The following BNC2 variants were observed in gnomAD, a reference collection of about 807,000 sequenced individuals.
BNC2 encodes the protein basonuclin zinc finger protein 2.
In BNC2, 20 loss-of-function variants were observed where a neutral mutation model predicts 76.3. The ratio of observed to expected loss-of-function variants is 0.26; its 90% confidence interval spans 0.18 to 0.38. The LOEUF (loss-of-function observed/expected upper bound fraction) is 0.38, where lower values mean the gene tolerates loss of function less well. BNC2 is among the 10% of genes least tolerant of loss of function. The probability of loss-of-function intolerance (pLI) is 1.00; values close to 1 mark genes in which losing one functional copy is unlikely to be tolerated. For missense variants in BNC2, 1,382 were observed against 1,399.8 expected, an observed-to-expected ratio of 0.99 and a Z score of 0.20; for synonymous variants, 582 against 514.8, an observed-to-expected ratio of 1.13 and a Z score of -1.77.
At chr9:16,717,030 C>T (rs934141575) in intron 3 of BNC2, among the ~76,000 whole-genome samples, 1 of 152,170 alleles carries the variant, frequency 6.6e-6, no homozygotes, top group African/African-American at 2.4e-5. Context: ...AACATGAACT[C>T]CATAAAGGCA....
At chr9:16,707,132 G>A (rs1823699729) in intron 3 of BNC2, among the ~76,000 whole-genome samples, 1 of 152,052 alleles carries the variant, frequency 6.6e-6, no homozygotes, top group Admixed American at 6.5e-5. Context: ...AATCCGGGAG[G>A]CGGAGCTTGC....
intron 5 of BNC2, among the ~76,000 whole-genome samples, chr9:16,527,138 G>C (rs1028493000): frequency 6.6e-6 from 1 of 152,176 alleles, no homozygotes; most frequent in Non-Finnish European, 1.5e-5. Flanking sequence ...GACAAGGACT[G>C]GGGGGCAGTT....
chr9:16,736,601 C>T (rs958407194), intron 2 of BNC2, among the ~76,000 whole-genome samples: 3 of 150,874 alleles, frequency 2.0e-5, no homozygotes, highest in African/African-American at 7.3e-5. Context: ...TCAGCCTCCT[C>T]AGTAGCTGAG....
At chr9:16,840,381 T>C (rs1357299308) in intron 1 of BNC2, among the ~76,000 whole-genome samples, 3 of 152,196 alleles carry the variant, frequency 2.0e-5, no homozygotes, top group African/African-American at 7.2e-5. Context: ...CCATTTCATA[T>C]CCACGCAGTT....
intron 3 of BNC2, among the ~76,000 whole-genome samples, chr9:16,665,411 A>AGAG (rs1212363590): frequency 1.3e-4 from 15 of 115,478 alleles, no homozygotes; most frequent in African/African-American, 4.3e-4. Flanking sequence ...AGAAAGAGAG[A>AGAG]AAAGAAAGGA....
chr9:16,520,316 G>T (rs1365119359), intron 5 of BNC2, among the ~76,000 whole-genome samples: 1 of 152,190 alleles, frequency 6.6e-6, no homozygotes, highest in Non-Finnish European at 1.5e-5. Flanking sequence ...TTATGTGAGT[G>T]ATTTTGAGGG....
chr9:16,615,832 A>G (rs1277198339), intron 3 of BNC2, among the ~76,000 whole-genome samples: 1 of 152,218 alleles, frequency 6.6e-6, no homozygotes, highest in East Asian at 1.9e-4. Context: ...CTTCACATGC[A>G]TGAATTAATT....
chr9:16,668,827 T>A (rs1822383183), intron 3 of BNC2, among the ~76,000 whole-genome samples: 1 of 152,134 alleles, frequency 6.6e-6, no homozygotes, highest in Non-Finnish European at 1.5e-5. Flanking sequence ...ACAAATACGG[T>A]TTTAATAGAT....
intron 3 of BNC2, among the ~76,000 whole-genome samples, chr9:16,591,564 A>C (rs1819929395): frequency 6.6e-6 from 1 of 152,204 alleles, no homozygotes; most frequent in Admixed American, 6.5e-5. Flanking sequence ...ACATAAATCT[A>C]AGTCTGAATG....
intron 5 of BNC2, among the ~76,000 whole-genome samples, chr9:16,538,768 AATTAAT>A (rs1818205646): frequency 6.6e-6 from 1 of 152,204 alleles, no homozygotes; most frequent in Non-Finnish European, 1.5e-5. Flanking sequence ...GCAGAGTTTG[AATTAAT>A]ATTATTAAAA....
At chr9:16,631,993 G>A (rs1487022175) in intron 3 of BNC2, among the ~76,000 whole-genome samples, 1 of 152,144 alleles carries the variant, frequency 6.6e-6, no homozygotes, top group Non-Finnish European at 1.5e-5. Flanking sequence ...TGTTGCTGGG[G>A]CAATAAGGCT....
chr9:16,678,272 T>TC, intron 3 of BNC2, among the ~76,000 whole-genome samples: 1 of 118,654 alleles, frequency 8.4e-6, no homozygotes, highest in South Asian at 3.6e-4. Context: ...TTTTTCTTTT[T>TC]TTTTTTTTTT....
At chr9:16,774,174 G>A (rs766731253) in intron 1 of BNC2, among the ~76,000 whole-genome samples, 3 of 152,086 alleles carry the variant, frequency 2.0e-5, no homozygotes, top group Non-Finnish European at 4.4e-5. Context: ...TAGAGACAGG[G>A]TTTCACCATA....
At chr9:16,789,290 TTG>T (rs1051668953) in intron 1 of BNC2, among the ~76,000 whole-genome samples, 3 of 151,980 alleles carry the variant, frequency 2.0e-5, no homozygotes, top group African/African-American at 7.3e-5. Flanking sequence ...TTCGTCTTGA[TTG>T]TCACGGTGGC....
chr9:16,458,004 GGT>G (rs1188625326), intron 5 of BNC2, among the ~76,000 whole-genome samples: 18 of 152,266 alleles, frequency 1.2e-4, no homozygotes, highest in Admixed American at 2.6e-4. Flanking sequence ...TCCAGGAATG[GGT>G]GGGTAGGTGG....
chr9:16,468,904 C>T (rs1821755438), intron 5 of BNC2, among the ~76,000 whole-genome samples: 1 of 152,176 alleles, frequency 6.6e-6, no homozygotes, highest in Non-Finnish European at 1.5e-5. Context: ...TATCACATAG[C>T]ATTGCAATTG....
chr9:16,552,531 T>C lies in BNC2; in HGVS notation c.668A>G (p.Gln223Arg). The change falls in exon 5 of 7, where the codon CAG (glutamine) becomes CGG (arginine). Residue 223 changes from glutamine (Q) to arginine (R), a missense_variant and splice_region_variant. This residue lies in a region of BNC2 where 557 missense variants were observed against 540.9 expected (regional missense o/e 1.03). Coordinates refer to ENST00000380672, the MANE Select transcript of BNC2 (RefSeq NM_017637.6). ...LRDYVRGYIL[Q>R]DAAGKVLDRW... ...GCGGCGTTCAAGTCCTCTCCCTACC[T>C]GAAGGATGTATCCTCGGACATAGTC... 1 of 1,614,012 alleles carries C rather than the reference T, an allele frequency of 6.2e-7. No homozygotes were observed. Among genetic ancestry groups the C allele is most frequent in the Non-Finnish European group, 8.5e-7 (1 of 1,179,896 alleles).
chr9:16,433,313 T>C (rs1245066301), intron 6 of BNC2, among the ~76,000 whole-genome samples: 1 of 152,216 alleles, frequency 6.6e-6, no homozygotes, highest in Non-Finnish European at 1.5e-5. Flanking sequence ...GCAATTTGCT[T>C]TTTCATTTAT....
chr9:16,674,887 T>C (rs1822591588), intron 3 of BNC2, among the ~76,000 whole-genome samples: 1 of 152,200 alleles, frequency 6.6e-6, no homozygotes, highest in African/African-American at 2.4e-5. Flanking sequence ...TGTTCAGTTG[T>C]CTATAATGGC....
Sources: gnomAD v4.1 joint callset for allele counts (sites outside exome capture counted in the v4.1 genomes callset) on GRCh38, gnomAD v4.1.1 for gene constraint, gnomAD v4.1.1 regional missense constraint, MANE v1.5 for transcripts, NCBI Gene and HGNC (gene_info 2026-07-23, HGNC 2026-07-21) for gene names.